The following ZNF91 variants were observed in gnomAD, a reference collection of about 807,000 sequenced individuals.
ZNF91 encodes the protein zinc finger protein 91.
Under a neutral mutation model 12.6 loss-of-function variants are expected in ZNF91, and 7 were observed. The ratio of observed to expected loss-of-function variants is 0.55; its 90% confidence interval spans 0.31 to 1.04. The LOEUF is 1.04. Ranked by LOEUF, ZNF91 falls within the 50% of genes least tolerant of loss-of-function variation. The pLI, the probability that ZNF91 is intolerant of heterozygous loss-of-function variation, is 0.05. For synonymous variants in ZNF91, 453 were observed against 462.6 expected, an observed-to-expected ratio of 0.98 and a Z score of 0.27; for missense variants, 1,217 against 1,385.4, an observed-to-expected ratio of 0.88 and a Z score of 1.93.
chr19:23,393,772 G>A (rs11880792), intron 1 of ZNF91, among the ~76,000 whole-genome samples: 3,661 of 152,266 alleles, frequency 0.024, 118 homozygotes, highest in African/African-American at 0.078. Context: ...GGCCGAAGTG[G>A]GCAGACCAGC....
At chr19:23,319,893 T>C (rs1390442840) in intron 1 of ZNF91, among the ~76,000 whole-genome samples, 1 of 152,196 alleles carries the variant, frequency 6.6e-6, no homozygotes, top group South Asian at 2.1e-4. Flanking sequence ...CTGTCTCTTA[T>C]AGCAAGGCTC....
intron 3 of ZNF91, among the ~76,000 whole-genome samples, chr19:23,371,114 G>C (rs1287938730): frequency 6.6e-6 from 1 of 152,066 alleles, no homozygotes; most frequent in Non-Finnish European, 1.5e-5. Flanking sequence ...GCCACGGCAG[G>C]CAGATCACCT....
chr19:23,339,801 A>G (rs1968085838), intron 3 of ZNF91: 1 of 151,940 alleles, frequency 6.6e-6, no homozygotes, highest in Non-Finnish European at 1.5e-5. Context: ...AAAAATAGCT[A>G]GGTGTGGTGG....
chr19:23,384,463 C>A, intron 1 of ZNF91: 1 of 437,370 alleles, frequency 2.3e-6, no homozygotes, highest in Non-Finnish European at 3.7e-6. Context: ...TCTTCAGAAA[C>A]ATATACCATC....
chr19:23,361,878 A>G lies in ZNF91; in HGVS notation c.1101T>C (p.Asn367=). The G allele has an allele frequency of 6.3e-7, 1 of 1,598,680 alleles. No individual in the cohort carries two copies. The highest frequency in any genetic ancestry group is 8.5e-7 in the Non-Finnish European group (1 of 1,174,244). Residue 367 remains asparagine (N), a synonymous_variant, in exon 4 of 4, where the codon AAT becomes AAC. Transcript: ENST00000300619. ...TCTCTTCAGTATGAGTTATCTTATG[A>G]TTAGCAAGGGTTGAGGAATTGCTAA... ...KAFSNSSTLA[N]HKITHTEEKP... is the part of the protein sequence containing the mutation.
At chr19:23,394,834 A>G (rs538548056) in intron 1 of ZNF91, among the ~76,000 whole-genome samples, 2 of 152,366 alleles carry the variant, frequency 1.3e-5, no homozygotes, top group East Asian at 3.9e-4. Context: ...GGCCTTTCAT[A>G]GACCACAAAT....
intron 3 of ZNF91, among the ~76,000 whole-genome samples, chr19:23,347,763 T>G (rs1968268073): frequency 6.6e-6 from 1 of 152,172 alleles, no homozygotes; most frequent in Non-Finnish European, 1.5e-5. Flanking sequence ...CCACTCAGTA[T>G]CACCCCACAG....
intron 1 of ZNF91, chr19:23,384,429 T>G (rs1599755567): frequency 6.6e-6 from 2 of 300,824 alleles, no homozygotes; most frequent in Non-Finnish European, 1.2e-5. Flanking sequence ...TGAGAAAAAT[T>G]TGACAGTTCC....
intron 3 of ZNF91, among the ~76,000 whole-genome samples, chr19:23,306,461 G>C (rs939354727): frequency 1.3e-5 from 2 of 151,544 alleles, no homozygotes; most frequent in Admixed American, 1.3e-4. Context: ...GAATTGTAAC[G>C]TATCACCGGG....
chr19:23,343,533 T>G (rs2090156466), intron 3 of ZNF91, among the ~76,000 whole-genome samples: 1 of 152,230 alleles, frequency 6.6e-6, no homozygotes, highest in African/African-American at 2.4e-5. Context: ...AATAATAAGC[T>G]GAGGTAAACA....
chr19:23,335,526 G>C (rs146528205), downstream of ZNF91, among the ~76,000 whole-genome samples: 828 of 152,282 alleles, frequency 5.4e-3, 3 homozygotes, highest in African/African-American at 0.019. Flanking sequence ...CAGCGATGGT[G>C]GACGCCCCTC....
chr19:23,353,928 A>G (rs1968426648), downstream of ZNF91, among the ~76,000 whole-genome samples: 1 of 152,160 alleles, frequency 6.6e-6, no homozygotes, highest in Non-Finnish European at 1.5e-5. Flanking sequence ...GACCAAAAAC[A>G]AGCAGTGAGA....
chr19:23,331,097 TAA>T (rs747032862), intron 1 of ZNF91, among the ~76,000 whole-genome samples: 27 of 152,194 alleles, frequency 1.8e-4, no homozygotes, highest in Non-Finnish European at 3.8e-4. Flanking sequence ...TAAGTTTTCC[TAA>T]ATATTTGTGT....
At chr19:23,384,941 C>T in intron 1 of ZNF91, 1 of 834,560 alleles carries the variant, frequency 1.2e-6, no homozygotes, top group Non-Finnish European at 2.1e-6. Flanking sequence ...TTTCGGCCAG[C>T]AAAGTTGCCA....
At chr19:23,337,171 C>G (rs1292241829), downstream of ZNF91, among the ~76,000 whole-genome samples, 1 of 151,986 alleles carries the variant, frequency 6.6e-6, no homozygotes, top group Non-Finnish European at 1.5e-5. Flanking sequence ...TGTGCTGGCC[C>G]TCAATGACCA....
At chr19:23,323,604 CCTCCTCCTTTTCTCTTCTCCTTT>C (rs1568368172) in intron 1 of ZNF91, among the ~76,000 whole-genome samples, 1 of 142,380 alleles carries the variant, frequency 7.0e-6, no homozygotes, top group Non-Finnish European at 1.5e-5. Flanking sequence ...TCCTTCTTTT[CCTCCTCCTTTTCTCTTCTCCTTT>C]CTCCTCCTCC....
Position 23,360,797 on chromosome 19 carries a change from T to G in ZNF91, c.2182A>C (p.Asn728His), listed in dbSNP as rs957760139. 2 of 1,612,948 alleles carry G rather than the reference T, an allele frequency of 1.2e-6. No individual in the cohort carries two copies. The highest frequency in any genetic ancestry group is 1.7e-6 in the Non-Finnish European group (2 of 1,179,464). ...TGAATAAACTTATGTATAGTAAGAT[T>G]TGAAGATCGATTAAAAGCTTTGCCA... is the stretch of plus-strand genomic sequence containing the variant. Reference protein sequence around the residue: ...ECGKAFNRSSNLTIHKFIHTG... With the variant: ...ECGKAFNRSSHLTIHKFIHTG... Residue 728 changes from asparagine to histidine, a missense_variant, in exon 4 of 4, where the codon AAT becomes CAT. This residue lies in a region of ZNF91 where 726 missense variants were observed against 895.5 expected (regional missense o/e 0.81). Transcript: ENST00000300619.
intron 3 of ZNF91, among the ~76,000 whole-genome samples, chr19:23,350,743 T>C (rs545947639): frequency 1.8e-4 from 27 of 152,226 alleles, no homozygotes; most frequent in Non-Finnish European, 3.8e-4. Context: ...GGAAGAGATA[T>C]GGCCAGGAGA....
chr19:23,372,421 T>C (rs536258207), intron 3 of ZNF91, among the ~76,000 whole-genome samples: 12 of 152,234 alleles, frequency 7.9e-5, no homozygotes, highest in African/African-American at 2.9e-4. Context: ...CAAGACCCCA[T>C]CTCAAAAATA....
Sources: allele counts gnomAD v4.1 joint callset (sites outside exome capture counted in the v4.1 genomes callset), GRCh38; gene constraint gnomAD v4.1.1; regional missense constraint gnomAD v4.1.1; transcripts MANE v1.5; gene names NCBI Gene and HGNC (gene_info 2026-07-23, HGNC 2026-07-21).